SLC5A4: variants seen among roughly 807,000 people sequenced by gnomAD.
The protein encoded by SLC5A4 is probable glucose sensor protein SLC5A4.
In SLC5A4, 55 loss-of-function variants were observed where a neutral mutation model predicts 70.3. The ratio of observed to expected loss-of-function variants is 0.78; its 90% confidence interval spans 0.63 to 0.98. The LOEUF is 0.98. Among genes scored for constraint, SLC5A4 ranks in the 50% least tolerant of loss-of-function variants. SLC5A4 has a pLI of 0.00. For missense variants in SLC5A4, 735 were observed against 839.2 expected, an observed-to-expected ratio of 0.88 and a Z score of 1.53; for synonymous variants, 268 against 305.7, an observed-to-expected ratio of 0.88 and a Z score of 1.29.
At chr22:32,309,377 G>A in the SLC5A4 span, among the ~76,000 whole-genome samples, 2 of 151,994 alleles carry the variant, frequency 1.3e-5, no homozygotes, top group African/African-American at 2.4e-5. Context: ...GTGTTTTTTT[G>A]TATTATTATT....
intron 14 of SLC5A4, 28 bp downstream of exon 14, chr22:32,220,892 T>C: frequency 6.8e-7 from 1 of 1,470,422 alleles, no homozygotes; most frequent in Non-Finnish European, 9.5e-7. Context: ...AGTTCCTACA[T>C]GAAAACCAAA....
intron 5 of SLC5A4, among the ~76,000 whole-genome samples, chr22:32,245,943 G>A (rs1926797442): frequency 6.6e-6 from 1 of 152,176 alleles, no homozygotes; most frequent in Non-Finnish European, 1.5e-5. Flanking sequence ...GAGCTTCTCT[G>A]CTTCCCTCTG....
chr22:32,221,049 T>C, intron 13 of SLC5A4, 27 bp from the exon 14 acceptor site: 1 of 1,424,658 alleles, frequency 7.0e-7, no homozygotes, highest in Non-Finnish European at 9.9e-7. Context: ...CAAAAGTGCA[T>C]TAGTAATAGG....
the SLC5A4 span, among the ~76,000 whole-genome samples, chr22:32,306,792 C>T: frequency 1.3e-5 from 2 of 152,216 alleles, no homozygotes; most frequent in Non-Finnish European, 2.9e-5. Context: ...GCACATTGTC[C>T]AGACACTGAC....
At chr22:32,295,734 G>A in the SLC5A4 span, among the ~76,000 whole-genome samples, 2 of 89,286 alleles carry the variant, frequency 2.2e-5, 1 homozygote, top group African/African-American at 8.4e-5. Context: ...CCTTGCCCAT[G>A]CCTATGTCCT....
intron 11 of SLC5A4, among the ~76,000 whole-genome samples, chr22:32,228,668 C>T (rs775713523): frequency 1.3e-5 from 2 of 152,134 alleles, no homozygotes; most frequent in Non-Finnish European, 2.9e-5. Flanking sequence ...TTCAAGGCCC[C>T]CAGGCTGCTC....
At chr22:32,351,907 AAAT>A in the SLC5A4 span, among the ~76,000 whole-genome samples, 2 of 151,944 alleles carry the variant, frequency 1.3e-5, no homozygotes, top group Non-Finnish European at 2.9e-5. Context: ...CAGCATAAGA[AAAT>A]GAACAGGAAC....
At chr22:32,303,453 A>G in the SLC5A4 span, among the ~76,000 whole-genome samples, 1 of 152,204 alleles carries the variant, frequency 6.6e-6, no homozygotes, top group African/African-American at 2.4e-5. Flanking sequence ...CTTTAGTGAA[A>G]CAATAGGTCA....
At chr22:32,285,532 T>C in the SLC5A4 span, among the ~76,000 whole-genome samples, 1 of 152,104 alleles carries the variant, frequency 6.6e-6, no homozygotes, top group Admixed American at 6.5e-5. Context: ...TCTTTTGTCA[T>C]ACAAAAATTA....
chr22:32,343,716 A>G, the SLC5A4 span, among the ~76,000 whole-genome samples: 1 of 152,304 alleles, frequency 6.6e-6, no homozygotes, highest in African/African-American at 2.4e-5. Context: ...GATGAACCCA[A>G]TTATCAAGTC....
the SLC5A4 span, among the ~76,000 whole-genome samples, chr22:32,322,431 A>G: frequency 2.0e-5 from 3 of 152,104 alleles, no homozygotes; most frequent in African/African-American, 7.2e-5. Flanking sequence ...CTAAAAATAC[A>G]AAAATTAGCC....
chr22:32,222,945 CCT>C (rs1925169794), intron 13 of SLC5A4, among the ~76,000 whole-genome samples: 1 of 152,064 alleles, frequency 6.6e-6, no homozygotes, highest in African/African-American at 2.4e-5. Context: ...CCCTGAGATG[CCT>C]CTTGTTGAAA....
the SLC5A4 span, among the ~76,000 whole-genome samples, chr22:32,275,951 A>G: frequency 3.3e-5 from 5 of 152,016 alleles, no homozygotes; most frequent in Non-Finnish European, 7.4e-5. Context: ...TTTGATTTGC[A>G]TTTCTCTGAT....
chr22:32,334,227 GC>G, the SLC5A4 span, among the ~76,000 whole-genome samples: 10 of 152,128 alleles, frequency 6.6e-5, no homozygotes, highest in African/African-American at 2.4e-4. Flanking sequence ...ACCTGTCCTA[GC>G]CCCTCAGGAC....
the SLC5A4 span, among the ~76,000 whole-genome samples, chr22:32,352,229 G>C: frequency 2.1e-5 from 3 of 143,870 alleles, no homozygotes; most frequent in Non-Finnish European, 3.0e-5. Flanking sequence ...GAGAACACTT[G>C]TACACAGGAA....
At chr22:32,313,175 T>C in the SLC5A4 span, among the ~76,000 whole-genome samples, 9 of 152,300 alleles carry the variant, frequency 5.9e-5, no homozygotes, top group Admixed American at 1.3e-4. Context: ...AGTGCATACA[T>C]AGAGGTATAA....
chr22:32,313,455 G>C, the SLC5A4 span, among the ~76,000 whole-genome samples: 553 of 152,252 alleles, frequency 3.6e-3, 8 homozygotes, highest in African/African-American at 0.012. Context: ...CTGTATTTTG[G>C]AATGACACTA....
At chr22:32,254,029 C>G in intron 2 of SLC5A4, 113 bp downstream of exon 2, 1 of 829,422 alleles carries the variant, frequency 1.2e-6, no homozygotes, top group South Asian at 1.3e-5. Context: ...GATCTGCCAG[C>G]CTTGGCCTCC....
the SLC5A4 span, among the ~76,000 whole-genome samples, chr22:32,338,111 G>A: frequency 6.6e-6 from 1 of 152,108 alleles, no homozygotes; most frequent in Non-Finnish European, 1.5e-5. Flanking sequence ...ATATTGCTTA[G>A]AGCAAATCTG....
Sources: gnomAD v4.1 joint callset for allele counts (sites outside exome capture counted in the v4.1 genomes callset) on GRCh38, gnomAD v4.1.1 for gene constraint, MANE v1.5 for transcripts, NCBI Gene and HGNC (gene_info 2026-07-23, HGNC 2026-07-21) for gene names.